The following SBF2 variants were observed in gnomAD, a reference collection of about 807,000 sequenced individuals.
SBF2 encodes myotubularin-related protein 13.
In SBF2, 112 loss-of-function variants were observed where a neutral mutation model predicts 225.2. The ratio of observed to expected loss-of-function variants is 0.50; its 90% CI spans 0.43 to 0.58. The LOEUF (loss-of-function observed/expected upper bound fraction) is 0.58, where lower values mean the gene tolerates loss of function less well. Ranked by LOEUF, SBF2 falls within the 20% of genes least tolerant of loss-of-function variation. The probability of loss-of-function intolerance (pLI) is 0.00; values close to 1 mark genes in which losing one functional copy is unlikely to be tolerated. For missense variants in SBF2, 1,996 were observed against 2,206.2 expected (o/e 0.90, Z 1.91); for synonymous variants, 763 against 773.3 (o/e 0.99, Z 0.22).
intron 2 of SBF2, among the ~76,000 whole-genome samples, chr11:10,076,439 T>A (rs999874570): frequency 2.6e-5 from 4 of 152,192 alleles, no homozygotes; most frequent in Non-Finnish European, 4.4e-5. Context: ...GGAGCCCCTA[T>A]GGCCAGAACT....
In SBF2 at chr11:9,929,030, G is replaced by A. The variant is rs1864275360; in HGVS notation, c.1860+32927C>T. The A allele has an allele frequency of 1.1e-5, 5 of 460,440 alleles. 1 individual carries two copies. In the Middle Eastern group the frequency reaches 1.9e-3, roughly 176 times the overall value. The allele number at this position is 460,440 out of a possible 1,614,324, so 28.5% of individuals were successfully genotyped here. A position where few individuals can be genotyped will look rare whatever the true frequency, so the allele number is the denominator to read the frequency against. ...GAACTGCTAATGAACATACAGTGCAGTGCTTGTTCAAGAAGTTTTGCAAAG... is the reference window on the plus strand; with the variant it reads ...GAACTGCTAATGAACATACAGTGCAATGCTTGTTCAAGAAGTTTTGCAAAG... On this transcript the variant is annotated intron_variant, in intron 16 of 39. Transcript: ENST00000256190.
intron 17 of SBF2, among the ~76,000 whole-genome samples, chr11:9,892,567 T>C (rs1860920492): frequency 6.8e-6 from 1 of 147,242 alleles, no homozygotes; most frequent in Non-Finnish European, 1.5e-5. Context: ...TATATATAAT[T>C]TTTTTTTTTT....
Position 10,089,794 on chromosome 11 carries a change from T to A in SBF2, c.142-46813A>T, listed in dbSNP as rs570712707. Among the ~76,000 whole-genome samples the A allele has an allele frequency of 2.6e-5, 4 of 152,304 alleles. 1 individual carries two copies. The highest frequency in any genetic ancestry group is 2.6e-4 in the Admixed American group (4 of 15,302). On this transcript the variant is annotated intron_variant, in intron 2 of 39. Coordinates refer to ENST00000256190, the MANE Select transcript of SBF2 (RefSeq NM_030962.4). ...CTAACGGCATTTACTTAAAAATATA[T>A]TCTCAAAAGAATTATATTAAGTAGA...
intron 16 of SBF2, chr11:9,959,713 T>G: frequency 1.4e-6 from 1 of 699,692 alleles, no homozygotes; most frequent in South Asian, 1.4e-5. Context: ...GGCCTGGACT[T>G]TCTCACCCTG....
chr11:10,018,143 T>C (rs947055313), intron 6 of SBF2, among the ~76,000 whole-genome samples: 11 of 152,310 alleles, frequency 7.2e-5, no homozygotes, highest in Admixed American at 5.9e-4. Context: ...CAGAAACAAC[T>C]CTTTTAATTC....
At chr11:9,799,635 C>T (rs1468227477) in intron 32 of SBF2, among the ~76,000 whole-genome samples, 2 of 152,194 alleles carry the variant, frequency 1.3e-5, no homozygotes, top group Non-Finnish European at 2.9e-5. Context: ...TAGAATCCGA[C>T]ATTAAGAAAC....
At chr11:10,085,981 G>C (rs1951553129) in intron 2 of SBF2, among the ~76,000 whole-genome samples, 1 of 108,962 alleles carries the variant, frequency 9.2e-6, no homozygotes, top group African/African-American at 3.8e-5. Flanking sequence ...CCCCACCCCA[G>C]GTATCCTCAG....
intron 2 of SBF2, among the ~76,000 whole-genome samples, chr11:10,178,536 C>T (rs1191576925): frequency 1.3e-5 from 2 of 149,938 alleles, no homozygotes; most frequent in South Asian, 2.1e-4. Flanking sequence ...GGGCGAAGGA[C>T]ATGAACAGAC....
At chr11:9,857,499 T>G (rs1857411672) in intron 18 of SBF2, among the ~76,000 whole-genome samples, 1 of 152,246 alleles carries the variant, frequency 6.6e-6, no homozygotes, top group Non-Finnish European at 1.5e-5. Flanking sequence ...TTAAGTTCAA[T>G]TCATGAGGAT....
Position 10,028,480 on chromosome 11 carries a change from A to G in SBF2, c.591T>C (p.Thr197=). ...PLHDSLPITG[T]SVALLFQQLG... ...ATTGCTGGAACAGGAGAGCCACACT[A>G]GTGCCCGTGATAGGAAGACTATCAT... Residue 197 remains threonine (T), a synonymous_variant, in exon 6 of 40, where the codon ACT becomes ACC. Coordinates refer to ENST00000256190, the MANE Select transcript of SBF2 (RefSeq NM_030962.4). 6.2e-7 allele frequency: 1 copy of G among 1,613,224 alleles called. No homozygotes were observed. Among genetic ancestry groups the G allele is most frequent in the South Asian group, 1.1e-5 (1 of 91,060 alleles).
intron 16 of SBF2, among the ~76,000 whole-genome samples, chr11:9,939,402 T>C (rs1228090940): frequency 6.6e-6 from 1 of 152,194 alleles, no homozygotes; most frequent in East Asian, 1.9e-4. Context: ...GGCCTAAACA[T>C]GCATTTAAAA....
Position 9,847,059 on chromosome 11 carries a change from C to G in SBF2, c.2831G>C (p.Ser944Thr). ...QLVGEQTVVR[S>T]FPIASITKEK... ...CTTGGTGATGGAGGCAATGGGAAAG[C>G]TCCGCACAACTGTCTGCTCACCCAC... The change falls in exon 23 of 40, where the codon AGC becomes ACC. Residue 944 changes from serine (S) to threonine (T), a missense_variant. Transcript: ENST00000256190. The G allele has an allele frequency of 6.2e-7, 1 of 1,613,772 alleles. No individual in the cohort carries two copies. Among genetic ancestry groups the G allele is most frequent in the South Asian group, 1.1e-5 (1 of 91,082 alleles).
intron 17 of SBF2, among the ~76,000 whole-genome samples, chr11:9,878,265 T>A (rs1255075138): frequency 6.6e-6 from 1 of 152,254 alleles, no homozygotes; most frequent in Non-Finnish European, 1.5e-5. Context: ...GTAAATTTCT[T>A]TAAGTTCTTT....
At chr11:10,229,421 G>A (rs559254075) in intron 1 of SBF2, among the ~76,000 whole-genome samples, 2 of 152,244 alleles carry the variant, frequency 1.3e-5, no homozygotes, top group East Asian at 3.9e-4. Flanking sequence ...GTCAATTTTA[G>A]ATCTTTCCTC....
chr11:9,838,207 C>A (rs988531595), intron 26 of SBF2: 2 of 151,422 alleles, frequency 1.3e-5, no homozygotes, highest in Non-Finnish European at 2.9e-5. Flanking sequence ...TCCTTTCTTG[C>A]CTTCTTTTGG....
chr11:10,303,731 C>T lies in SBF2; in HGVS notation n.386+761G>A, dbSNP rs2133656757. The T allele has an allele frequency of 6.6e-6, 1 of 152,344 alleles. No individual in the cohort carries two copies. The highest frequency in any genetic ancestry group is 1.9e-4 in the East Asian group (1 of 5,166). The allele number at this position is 152,344 out of a possible 1,614,324, so 9.4% of individuals were successfully genotyped here. A position where few individuals can be genotyped will look rare whatever the true frequency, so the allele number is the denominator to read the frequency against. ...TCCGTCGAGTCGCTGGGCTTCAGGA[C>T]ATTCGATTAGAGGAGTGGTTAGTAG... On this transcript the variant is annotated intron_variant and non_coding_transcript_variant, in intron 1 of 5. Transcript: ENST00000685217. The surrounding 1 kb of genome is among the most constrained non-coding windows in gnomAD (Gnocchi z 5.2).
At position 9,808,157 on chromosome 11, in the gene SBF2, T is replaced by C; in HGVS notation, c.4286A>G (p.Asp1429Gly). ...GCCTTCAAGTGTCCTATAAAAGGGA[T>C]CACTGAGTAACTGAACCAGGGATGT... ...QVTSLVQLLS[D>G]PFYRTLEGFQ... The change falls in exon 32 of 40, where the codon GAT becomes GGT. Residue 1429 changes from aspartate (D) to glycine (G), a missense_variant. By Grantham distance (94) the Asp-to-Gly change is moderately conservative. Coordinates refer to ENST00000256190, the MANE Select transcript of SBF2 (RefSeq NM_030962.4). The C allele has an allele frequency of 6.2e-7, 1 of 1,614,074 alleles. No homozygotes were observed. The highest frequency in any genetic ancestry group is 8.5e-7 in the Non-Finnish European group (1 of 1,180,000).
chr11:9,955,601 C>T (rs1866110419), intron 16 of SBF2, among the ~76,000 whole-genome samples: 1 of 151,970 alleles, frequency 6.6e-6, no homozygotes, highest in Admixed American at 6.5e-5. Flanking sequence ...TGAATCATCC[C>T]CTAACTTGGC....
intron 2 of SBF2, among the ~76,000 whole-genome samples, chr11:10,164,658 G>C (rs916825323): frequency 3.3e-5 from 5 of 152,020 alleles, no homozygotes; most frequent in African/African-American, 9.7e-5. Flanking sequence ...GAGTATCACT[G>C]AGACAGTTTG....
Sources: gnomAD v4.1 joint callset for allele counts (sites outside exome capture counted in the v4.1 genomes callset) on GRCh38, gnomAD v4.1.1 for gene constraint, Gnocchi (gnomAD v3.1) non-coding constraint, MANE v1.5 for transcripts, NCBI Gene and HGNC (gene_info 2026-07-23, HGNC 2026-07-21) for gene names.